The following P2RY2 variants were observed in gnomAD, a reference collection of about 807,000 sequenced individuals.
The protein encoded by P2RY2 is P2Y purinoceptor 2.
For missense variants in P2RY2, 567 were observed against 515.7 expected (o/e 1.10, Z -0.96); for synonymous variants, 241 against 231.9 (o/e 1.04, Z -0.35).
chr11:73,235,923 G>T lies in P2RY2; in HGVS notation c.*630G>T. 2.0e-6 allele frequency: 2 copies of T among 1,000,414 alleles called. No individual in the cohort carries two copies. Among genetic ancestry groups the T allele is most frequent in the Non-Finnish European group, 1.2e-6 (1 of 830,088 alleles). The allele number at this position is 1,000,414 out of a possible 1,614,324, so 62.0% of individuals were successfully genotyped here. A position where few individuals can be genotyped will look rare whatever the true frequency, so the allele number is the denominator to read the frequency against. ...GGCTGTAACTTATACTAAAGGTTGTGTTGCCTGCTGAGCTGTGCCCTATTG... is the reference window on the plus strand; with the variant it reads ...GGCTGTAACTTATACTAAAGGTTGTTTTGCCTGCTGAGCTGTGCCCTATTG... On this transcript the variant is annotated 3_prime_UTR_variant, in exon 3 of 3. Transcript: ENST00000393597.
rs1694567612 is a variant in P2RY2, at chr11:73,234,787, C to G, written c.628C>G (p.Pro210Ala). 6.2e-7 allele frequency: 1 copy of G among 1,611,754 alleles called. No individual in the cohort carries two copies. Among genetic ancestry groups the G allele is most frequent in the African/African-American group, 1.3e-5 (1 of 74,936 alleles). ...CATGCTGGGCCTGCTCTTCGCGGTG[C>G]CCTTTGCCGTCATCCTTGTCTGTTA... is the stretch of plus-strand genomic sequence containing the variant. The part of the protein sequence containing the change: ...SVMLGLLFAV[P>A]FAVILVCYVL... Residue 210 changes from proline to alanine, a missense_variant, in exon 3 of 3, where the codon CCC (proline) becomes GCC (alanine). Transcript: ENST00000393597.
intron 2 of P2RY2, among the ~76,000 whole-genome samples, chr11:73,230,314 A>G (rs1286913242): frequency 6.6e-6 from 1 of 151,642 alleles, no homozygotes; most frequent in African/African-American, 2.4e-5. Flanking sequence ...CTCCCCTCAC[A>G]GGGCCCAAGG....
At chr11:73,226,194 G>A (rs1488535247) in intron 1 of P2RY2, among the ~76,000 whole-genome samples, 1 of 152,172 alleles carries the variant, frequency 6.6e-6, no homozygotes, top group Non-Finnish European at 1.5e-5. Flanking sequence ...GGGGAAGAGG[G>A]AGGTTGTCCA....
At chr11:73,233,511 G>A (rs535004565) in intron 2 of P2RY2, among the ~76,000 whole-genome samples, 2 of 152,206 alleles carry the variant, frequency 1.3e-5, no homozygotes, top group Non-Finnish European at 2.9e-5. Context: ...CCCTTCCCAT[G>A]AACTCAAAAT....
intron 1 of P2RY2, among the ~76,000 whole-genome samples, chr11:73,220,612 C>T (rs1862089801): frequency 6.6e-6 from 1 of 152,172 alleles, no homozygotes; most frequent in Non-Finnish European, 1.5e-5. Flanking sequence ...AAAAGGAGGC[C>T]AGAACAAGTA....
In P2RY2 at chr11:73,238,911, C is replaced by A. The variant is rs1862717147; in HGVS notation, c.*3618C>A. On this transcript the variant is annotated 3_prime_UTR_variant, in exon 3 of 3. Transcript: ENST00000393597. Reference sequence around the variant, plus strand: ...GGATGTGAGAACACAGATGCTCCACCCAGACCACCTCAGTGTCAATATTGT... The same window carrying A: ...GGATGTGAGAACACAGATGCTCCACACAGACCACCTCAGTGTCAATATTGT... 6.6e-6 allele frequency: 1 copy of A among 152,218 alleles called. No individual in the cohort carries two copies. The highest frequency in any genetic ancestry group is 2.1e-4 in the South Asian group (1 of 4,826). 9.4% of individuals were successfully genotyped at this position (152,218 alleles called of 1,614,324 possible). A position where few individuals can be genotyped will look rare whatever the true frequency, so the allele number is the denominator to read the frequency against.
chr11:73,224,025 A>T (rs1181501715), intron 1 of P2RY2, among the ~76,000 whole-genome samples: 1 of 152,082 alleles, frequency 6.6e-6, no homozygotes, highest in Non-Finnish European at 1.5e-5. Flanking sequence ...GGTCCCAAAG[A>T]GGGAGAGAAC....
intron 2 of P2RY2, among the ~76,000 whole-genome samples, chr11:73,232,700 C>T (rs549261072): frequency 3.9e-5 from 6 of 152,166 alleles, no homozygotes; most frequent in African/African-American, 1.4e-4. Context: ...TGAGCCACCG[C>T]GCCCGGCCTA....
chr11:73,236,601 C>T lies in P2RY2; in HGVS notation c.*1308C>T, dbSNP rs1336514038. On this transcript the variant is annotated 3_prime_UTR_variant, in exon 3 of 3. Transcript: ENST00000393597. ...CATGAGCCATAAGCAGGCTGGACAG[C>T]TGACTCCAGGCTCAAGGCAGGGTTG... 1.0e-6 allele frequency: 1 copy of T among 985,296 alleles called. No individual in the cohort carries two copies. Among genetic ancestry groups the T allele is most frequent in the African/African-American group, 1.7e-5 (1 of 57,226 alleles). The allele number at this position is 985,296 out of a possible 1,614,324, so 61.0% of individuals were successfully genotyped here.
chr11:73,234,765 G>A lies in P2RY2; in HGVS notation c.606G>A (p.Met202Ile), dbSNP rs1424153846. Residue 202 changes from methionine to isoleucine, a missense_variant, in exon 3 of 3, where the codon ATG (methionine) becomes ATA (isoleucine). Coordinates refer to ENST00000393597, the MANE Select transcript of P2RY2 (RefSeq NM_002564.4). ...GCTTCGTGGCCTACAGCTCAGTCAT[G>A]CTGGGCCTGCTCTTCGCGGTGCCCT... Reference protein sequence around the residue: ...FSRFVAYSSVMLGLLFAVPFA... With the variant: ...FSRFVAYSSVILGLLFAVPFA... The A allele has an allele frequency of 9.3e-6, 15 of 1,611,494 alleles. No individual in the cohort carries two copies. The highest frequency in any genetic ancestry group is 1.3e-5 in the Non-Finnish European group (15 of 1,179,946).
intron 1 of P2RY2, among the ~76,000 whole-genome samples, chr11:73,225,100 G>T (rs1204674365): frequency 6.6e-6 from 1 of 152,190 alleles, no homozygotes; most frequent in East Asian, 1.9e-4. Context: ...ATAGGCAGCA[G>T]GGGTCTCCAC....
rs1490200932 is a variant in P2RY2, at chr11:73,240,593, C to A, written c.*5300C>A. On this transcript the variant is annotated 3_prime_UTR_variant, in exon 3 of 3. Coordinates refer to ENST00000393597, the MANE Select transcript of P2RY2 (RefSeq NM_002564.4). Reference sequence around the variant, plus strand: ...TTTGGCTGCTTAGTGGGACTGGTGGCCCAGAGAGGGCTGTGCCTTACCCAG... The same window carrying A: ...TTTGGCTGCTTAGTGGGACTGGTGGACCAGAGAGGGCTGTGCCTTACCCAG... 9 of 152,292 alleles carry A rather than the reference C, an allele frequency of 5.9e-5. 1 individual carries two copies. Among genetic ancestry groups the A allele is most frequent in the Admixed American group, 5.9e-4 (9 of 15,290 alleles). 9.4% of individuals were successfully genotyped at this position (152,292 alleles called of 1,614,324 possible). A position where few individuals can be genotyped will look rare whatever the true frequency, so the allele number is the denominator to read the frequency against.
chr11:73,220,477 T>C (rs1207939481), intron 1 of P2RY2, among the ~76,000 whole-genome samples: 1 of 152,200 alleles, frequency 6.6e-6, no homozygotes, highest in Non-Finnish European at 1.5e-5. Flanking sequence ...CCCTTGCCCC[T>C]TGGCCAAACA....
In P2RY2 at chr11:73,236,544, G is replaced by A. The variant is rs1321541314; in HGVS notation, c.*1251G>A. The A allele has an allele frequency of 9.1e-6, 9 of 984,602 alleles. No homozygotes were observed. Among genetic ancestry groups the A allele is most frequent in the Non-Finnish European group, 1.1e-5 (9 of 829,328 alleles). The allele number at this position is 984,602 out of a possible 1,614,324, so 61.0% of individuals were successfully genotyped here. On this transcript the variant is annotated 3_prime_UTR_variant, in exon 3 of 3. Coordinates refer to ENST00000393597, the MANE Select transcript of P2RY2 (RefSeq NM_002564.4). ...ACATCCACACACAGGATGCATCCCA[G>A]GCAAAGACATGGGGCAAGAGGGCAG...
chr11:73,225,664 A>AGCTTTGTGAGCT (rs777327318), intron 1 of P2RY2, among the ~76,000 whole-genome samples: 32,899 of 151,928 alleles, frequency 0.22, 3,822 homozygotes, highest in Middle Eastern at 0.29. Context: ...GCCGTTTGCT[A>AGCTTTGTGAGCT]ATTCAGGATT....
chr11:73,237,180 G>GCTCACACTATTC lies in P2RY2; in HGVS notation c.*1887_*1888insCTCACACTATTC. On this transcript the variant is annotated 3_prime_UTR_variant, in exon 3 of 3. Transcript: ENST00000393597. ...CCAGGTGGGTGACCTGCCCAGAATA[G>GCTCACACTATTC]TGTGAGCTATTCACCTCTCACCTTC... The GCTCACACTATTC allele has an allele frequency of 7.8e-6, 7 of 902,886 alleles. No homozygotes were observed. The highest frequency in any genetic ancestry group is 5.1e-5 in the South Asian group (1 of 19,624). 55.9% of individuals were successfully genotyped at this position (902,886 alleles called of 1,614,324 possible).
In P2RY2 at chr11:73,242,106, A is replaced by G. The variant is rs1464727194; in HGVS notation, c.*6813A>G. The G allele has an allele frequency of 6.6e-6, 1 of 152,010 alleles. No individual in the cohort carries two copies. Among genetic ancestry groups the G allele is most frequent in the Non-Finnish European group, 1.5e-5 (1 of 67,994 alleles). 9.4% of individuals were successfully genotyped at this position (152,010 alleles called of 1,614,324 possible). On this transcript the variant is annotated 3_prime_UTR_variant, in exon 3 of 3. Transcript: ENST00000393597. ...GTGGGGTGTGTAGAGAGCTGGGGCA[A>G]GGAACCCTGAGAAGATGTCTTACCC...
intron 2 of P2RY2, among the ~76,000 whole-genome samples, chr11:73,232,872 A>G (rs1427012797): frequency 6.6e-6 from 1 of 152,068 alleles, no homozygotes; most frequent in East Asian, 1.9e-4. Context: ...GACGTTAGGC[A>G]CGTCTTTGTC....
chr11:73,232,332 A>G (rs1465148106), intron 2 of P2RY2, among the ~76,000 whole-genome samples: 1 of 152,194 alleles, frequency 6.6e-6, no homozygotes, highest in African/African-American at 2.4e-5. Context: ...AATAACTTAC[A>G]TGATCTGTAT....
Sources: allele counts gnomAD v4.1 joint callset (sites outside exome capture counted in the v4.1 genomes callset), GRCh38; gene constraint gnomAD v4.1.1; transcripts MANE v1.5; gene names NCBI Gene and HGNC (gene_info 2026-07-23, HGNC 2026-07-21).